The following STK3 variants were observed in gnomAD, a reference collection of about 807,000 sequenced individuals.
STK3 encodes serine/threonine-protein kinase 3.
Under a neutral mutation model 58.0 loss-of-function variants are expected in STK3, and 41 were observed. That is an observed-to-expected ratio of 0.71 (90% CI 0.55 to 0.92). STK3 has a LOEUF of 0.92. STK3 is among the 40% of genes least tolerant of loss of function. The probability of loss-of-function intolerance (pLI) is 0.00; values close to 1 mark genes in which losing one functional copy is unlikely to be tolerated. For synonymous variants in STK3, 170 were observed against 191.0 expected (o/e 0.89, Z 0.91); for missense variants, 479 against 602.7 (o/e 0.79, Z 2.15).
At chr8:98,357,261 C>T in the STK3 span, among the ~76,000 whole-genome samples, 1 of 152,232 alleles carries the variant, frequency 6.6e-6, no homozygotes, top group South Asian at 2.1e-4. Flanking sequence ...GGAGCCTAGT[C>T]TGGAAATGAC....
rs138654011 is a variant in STK3 at position 98,894,506 on chromosome 8, G to T, written c.-78-10672C>A. Among the ~76,000 whole-genome samples, 1,072 of 152,134 alleles carry T rather than the reference G, an allele frequency of 7.0e-3. 4 individuals carry two copies. The highest frequency in any genetic ancestry group is 0.011 in the Non-Finnish European group (757 of 68,000). Reference sequence around the variant, plus strand: ...CTCCATTTAAAATTTCATCTCTATGGCCCCAGCATTCTTGATTCCCCCTTA... The same window carrying T: ...CTCCATTTAAAATTTCATCTCTATGTCCCCAGCATTCTTGATTCCCCCTTA... On this transcript the variant is annotated intron_variant, in intron 1 of 1. Transcript: ENST00000519420.
Position 98,428,875 on chromosome 8 carries a change from T to A in STK3, n.483+5252A>T. 1 of 1,614,214 alleles carries A rather than the reference T, an allele frequency of 6.2e-7. No individual in the cohort carries two copies. The highest frequency in any genetic ancestry group is 8.5e-7 in the Non-Finnish European group (1 of 1,180,042). On this transcript the variant is annotated intron_variant and non_coding_transcript_variant, in intron 3 of 3. Transcript: ENST00000517832. The surrounding 1 kb of genome is among the most constrained non-coding windows in gnomAD (Gnocchi z 6.7). Reference sequence around the variant, plus strand: ...GGCAGGGTGGCCCAGGTCCTGAGGCTGATGCGGATCTTCCGCATCTTAAAG... The same window carrying A: ...GGCAGGGTGGCCCAGGTCCTGAGGCAGATGCGGATCTTCCGCATCTTAAAG...
rs567831228 is a variant in STK3, at chr8:98,425,929, C to A, written n.483+8198G>T. 2.0e-5 allele frequency among the ~76,000 whole-genome samples: 3 copies of A among 152,310 alleles called. No homozygotes were observed. In the South Asian group the frequency reaches 6.2e-4, roughly 32 times the overall value. ...GCTAAGCTCACACAACCACGGTGCT[C>A]CAGTCTTTGCAAGTGGACACCACAG... On this transcript the variant is annotated intron_variant and non_coding_transcript_variant, in intron 3 of 3. Coordinates refer to the STK3 transcript ENST00000517832.
intron 4 of STK3, among the ~76,000 whole-genome samples, chr8:98,717,306 T>C (rs1027552284): frequency 2.0e-5 from 3 of 151,752 alleles, no homozygotes; most frequent in Non-Finnish European, 2.9e-5. Flanking sequence ...ATACAGAATA[T>C]ATAGAGAACT....
At chr8:98,643,568 G>T (rs1820182813) in intron 6 of STK3, among the ~76,000 whole-genome samples, 1 of 152,114 alleles carries the variant, frequency 6.6e-6, no homozygotes, top group African/African-American at 2.4e-5. Context: ...ACCATCCAAT[G>T]ATATATTTTA....
At chr8:98,439,197 C>G (rs1234546591) in intron 1 of STK3, 1 of 152,204 alleles carries the variant, frequency 6.6e-6, no homozygotes. Flanking sequence ...GATATTTTAT[C>G]TCCAGTGCCC....
At chr8:98,527,220 A>G (rs1177145012) in intron 9 of STK3, among the ~76,000 whole-genome samples, 1 of 152,214 alleles carries the variant, frequency 6.6e-6, no homozygotes, top group Non-Finnish European at 1.5e-5. Context: ...CTTTATTTCA[A>G]ATTTCTCAAA....
At chr8:98,688,222 T>G (rs1452513975) in intron 6 of STK3, among the ~76,000 whole-genome samples, 3 of 152,230 alleles carry the variant, frequency 2.0e-5, no homozygotes, top group Non-Finnish European at 4.4e-5. Context: ...AAGACTTAAC[T>G]ATCCTTAAAT....
intron 6 of STK3, among the ~76,000 whole-genome samples, chr8:98,623,980 A>G (rs745435243): frequency 3.3e-5 from 5 of 152,250 alleles, no homozygotes; most frequent in Non-Finnish European, 7.3e-5. Flanking sequence ...CAGCAGGAAC[A>G]GACTAATACA....
chr8:98,790,767 G>A (rs960485267), intron 1 of STK3, among the ~76,000 whole-genome samples: 7 of 151,922 alleles, frequency 4.6e-5, no homozygotes, highest in Admixed American at 1.3e-4. Context: ...GGTGGATCAC[G>A]AGGTCAGGAG....
At chr8:98,382,810 C>T (rs986918053) in intron 1 of STK3, among the ~76,000 whole-genome samples, 3 of 152,208 alleles carry the variant, frequency 2.0e-5, no homozygotes, top group East Asian at 3.9e-4. Flanking sequence ...CCAACTGATA[C>T]GGCCGGTTCC....
At chr8:98,874,831 C>T (rs1204293526) in intron 3 of STK3, among the ~76,000 whole-genome samples, 1 of 151,668 alleles carries the variant, frequency 6.6e-6, no homozygotes. Context: ...ACTATGTTGC[C>T]CAGGCTGGTC....
At chr8:98,544,649 A>AACAC (rs59159370) in intron 9 of STK3, among the ~76,000 whole-genome samples, 2,784 of 137,554 alleles carry the variant, frequency 0.02, 43 homozygotes, top group South Asian at 0.038. Context: ...ATTCTACTAT[A>AACAC]ACACACACAC....
intron 6 of STK3, among the ~76,000 whole-genome samples, chr8:98,621,803 T>C (rs543194225): frequency 2.0e-4 from 30 of 152,128 alleles, no homozygotes; most frequent in Admixed American, 3.3e-4. Context: ...TAAAGCAACA[T>C]ATCTATATAG....
intron 1 of STK3, among the ~76,000 whole-genome samples, chr8:98,893,472 A>AG (rs1838302278): frequency 1.2e-5 from 1 of 86,176 alleles, no homozygotes; most frequent in African/African-American, 6.0e-5. Context: ...GAAAGAAAGA[A>AG]AGAAAGAAAG....
intron 10 of STK3, among the ~76,000 whole-genome samples, chr8:98,480,082 C>T (rs1450369153): frequency 1.3e-5 from 2 of 148,584 alleles, no homozygotes; most frequent in African/African-American, 5.3e-5. Context: ...TGTTTCAGGA[C>T]CCTCTGAAGT....
rs1181280545 is a variant in STK3, at chr8:98,751,130, A to T, written c.237-1740T>A. Among the ~76,000 whole-genome samples, 3 of 152,232 alleles carry T rather than the reference A, an allele frequency of 2.0e-5. No homozygotes were observed. The East Asian group carries it at 5.8e-4, about 29-fold the overall frequency. On this transcript the variant is annotated intron_variant, in intron 3 of 10. Transcript: ENST00000419617. ...AAATAATAAGAGCCATATATGAAAA[A>T]CCCACAGCCAACAATCATACTGAAT... is the stretch of plus-strand genomic sequence containing the variant.
intron 10 of STK3, among the ~76,000 whole-genome samples, chr8:98,502,196 GCT>G (rs1035143459): frequency 3.3e-5 from 5 of 152,014 alleles, no homozygotes; most frequent in Non-Finnish European, 7.4e-5. Flanking sequence ...TCATGATTTG[GCT>G]CTCTGTTTGT....
chr8:98,837,445 G>GA (rs1314713897), intron 3 of STK3, among the ~76,000 whole-genome samples: 2 of 151,340 alleles, frequency 1.3e-5, no homozygotes, highest in African/African-American at 4.9e-5. Context: ...GTTACAAGGA[G>GA]AAAAAACGTT....
Sources: allele counts gnomAD v4.1 joint callset (sites outside exome capture counted in the v4.1 genomes callset), GRCh38; gene constraint gnomAD v4.1.1; non-coding constraint Gnocchi (gnomAD v3.1); transcripts MANE v1.5; gene names NCBI Gene and HGNC (gene_info 2026-07-23, HGNC 2026-07-21).